The following MRPS14 variants were observed in gnomAD, a reference collection of about 807,000 sequenced individuals.
The protein encoded by MRPS14 is mitochondrial ribosomal protein S14.
In MRPS14, 14 loss-of-function variants were observed where a neutral mutation model predicts 16.4. The observed-to-expected ratio is 0.85, with a 90% CI of 0.56 to 1.33. The LOEUF is 1.33. Ranked by LOEUF, MRPS14 falls within the 40% of genes most tolerant of loss-of-function variation. The pLI, the probability that MRPS14 is intolerant of heterozygous loss-of-function variation, is 0.00. For synonymous variants in MRPS14, 54 were observed against 61.9 expected, an observed-to-expected ratio of 0.87 and a Z score of 0.60; for missense variants, 162 against 176.8, an observed-to-expected ratio of 0.92 and a Z score of 0.48.
chr1:175,018,397 G>T, intron 2 of MRPS14, 21 bp downstream of exon 2: 1 of 1,575,014 alleles, frequency 6.3e-7, no homozygotes, highest in South Asian at 1.2e-5. Flanking sequence ...GGTACAAAGG[G>T]ACTCATCTTA....
rs1390745704 is a variant in MRPS14, at chr1:175,018,585, CAG to C, written c.46-11_46-10del. 1 of 1,586,428 alleles carries C rather than the reference CAG, an allele frequency of 6.3e-7. No individual in the cohort carries two copies. Among genetic ancestry groups the C allele is most frequent in the Non-Finnish European group, 8.6e-7 (1 of 1,168,664 alleles). On this transcript the variant is annotated splice_polypyrimidine_tract_variant and intron_variant, in intron 1 of 2. Transcript: ENST00000476371. ...GCTGATGAAGGAACCATCTGAAAGA[CAG>C]AGACAAGGGACAAGTGAAGGATAGC...
chr1:175,019,727 ATAATTTACAGTTC>A (rs1264288649), intron 1 of MRPS14, among the ~76,000 whole-genome samples: 6 of 152,224 alleles, frequency 3.9e-5, no homozygotes, highest in African/African-American at 1.4e-4. Flanking sequence ...TTTCACGGTG[ATAATTTACAGTTC>A]TGACTGACAG....
intron 2 of MRPS14, among the ~76,000 whole-genome samples, chr1:175,015,227 G>A (rs898968638): frequency 6.6e-6 from 1 of 152,162 alleles, no homozygotes; most frequent in Non-Finnish European, 1.5e-5. Context: ...AGGATTACAG[G>A]TGTGAGCCAC....
chr1:175,019,865 T>G (rs1235256199), intron 1 of MRPS14, among the ~76,000 whole-genome samples: 1 of 152,232 alleles, frequency 6.6e-6, no homozygotes, highest in African/African-American at 2.4e-5. Flanking sequence ...TGATAACTGA[T>G]GTTTATAAAT....
chr1:175,022,040 AT>A (rs1219278797), intron 1 of MRPS14, among the ~76,000 whole-genome samples: 1 of 152,202 alleles, frequency 6.6e-6, no homozygotes, highest in African/African-American at 2.4e-5. Flanking sequence ...GTAATTCTTT[AT>A]TTTAATTAAA....
At position 175,012,963 on chromosome 1, in the gene MRPS14, G is replaced by T; in HGVS notation, c.*1706C>A. 1 of 152,246 alleles carries T rather than the reference G, an allele frequency of 6.6e-6. No homozygotes were observed. The allele number at this position is 152,246 out of a possible 1,614,324, so 9.4% of individuals were successfully genotyped here. On this transcript the variant is annotated 3_prime_UTR_variant, in exon 3 of 3. Coordinates refer to ENST00000476371, the MANE Select transcript of MRPS14 (RefSeq NM_022100.3). Reference sequence around the variant, plus strand: ...CTCTTAATAATACCAACGCATTGTGGATTAGATTTTAATGTGAATTTTGGA... The same window carrying T: ...CTCTTAATAATACCAACGCATTGTGTATTAGATTTTAATGTGAATTTTGGA...
rs1471169315 is a variant in MRPS14 at position 175,018,901 on chromosome 1, GT to G, written c.46-326del. The stretch of plus-strand genomic sequence containing the variant: ...GTCACATGGTTCAAAAATCAAAAAG[GT>G]ATAAGAAGACACACAGTGAAAAGTC... On this transcript the variant is annotated intron_variant, in intron 1 of 2. Coordinates refer to ENST00000476371, the MANE Select transcript of MRPS14 (RefSeq NM_022100.3). 2.6e-5 allele frequency among the ~76,000 whole-genome samples: 4 copies of G among 152,056 alleles called. No homozygotes were observed. The East Asian group carries it at 7.7e-4, about 29-fold the overall frequency.
At chr1:175,018,928 TC>T (rs1422395673) in intron 1 of MRPS14, among the ~76,000 whole-genome samples, 1 of 151,996 alleles carries the variant, frequency 6.6e-6, no homozygotes. Flanking sequence ...GTGAAAAGTC[TC>T]CCCCCACCTC....
intron 1 of MRPS14, among the ~76,000 whole-genome samples, chr1:175,020,575 C>A (rs557419412): frequency 6.6e-6 from 1 of 151,892 alleles, no homozygotes; most frequent in Non-Finnish European, 1.5e-5. Flanking sequence ...ATGACGCGAT[C>A]GTGGCTCACC....
rs1410762907 is a variant in MRPS14 at position 175,014,411 on chromosome 1, C to G, written c.*258G>C. ...AAAAGGAGGGTATAAAAAACATTCACAGAAAATATTTATTATGCTACTCTT... is the reference window on the plus strand; with the variant it reads ...AAAAGGAGGGTATAAAAAACATTCAGAGAAAATATTTATTATGCTACTCTT... On this transcript the variant is annotated 3_prime_UTR_variant, in exon 3 of 3. Transcript: ENST00000476371. The G allele has an allele frequency of 4.8e-6, 2 of 413,686 alleles. No individual in the cohort carries two copies. Among genetic ancestry groups the G allele is most frequent in the Non-Finnish European group, 8.5e-6 (2 of 235,834 alleles). 25.6% of individuals were successfully genotyped at this position (413,686 alleles called of 1,614,324 possible). A position where few individuals can be genotyped will look rare whatever the true frequency, so the allele number is the denominator to read the frequency against.
rs912148117 is a variant in MRPS14 at position 175,018,511 on chromosome 1, A to T, written c.111T>A (p.Asp37Glu). The change falls in exon 2 of 3, where the codon GAT becomes GAA. Residue 37 changes from aspartate to glutamate, a missense_variant. Coordinates refer to ENST00000476371, the MANE Select transcript of MRPS14 (RefSeq NM_022100.3). ...CATAGGCCATTTTTCGTCTCTTCAC[A>T]TCGCGCCACATTCTCCAGTCTACAT... ...SHYVDWRMWR[D>E]VKRRKMAYEY... 16 of 1,613,154 alleles carry T rather than the reference A, an allele frequency of 9.9e-6. No homozygotes were observed. In the African/African-American group the frequency reaches 2.0e-4, roughly 20 times the overall value.
At chr1:175,021,463 T>A (rs569916445) in intron 1 of MRPS14, among the ~76,000 whole-genome samples, 8 of 152,358 alleles carry the variant, frequency 5.3e-5, no homozygotes, top group African/African-American at 1.9e-4. Flanking sequence ...TATTAATAAG[T>A]GCAAGCTATT....
chr1:175,023,389 C>T lies in MRPS14; in HGVS notation c.20G>A (p.Gly7Asp). Residue 7 changes from glycine (G) to aspartate (D), a missense_variant, in exon 1 of 3, where the codon GGC (glycine) becomes GAC (aspartate). Transcript: ENST00000476371. ...CTGCTTGAACGTCCGCAGCAGCGAG[C>T]CCAGCATGAAGGCCGCCATGTTGTC... The part of the protein sequence containing the change: MAAFML[G>D]SLLRTFKQMV... 1.2e-6 allele frequency: 2 copies of T among 1,614,168 alleles called. No individual in the cohort carries two copies. The highest frequency in any genetic ancestry group is 1.7e-6 in the Non-Finnish European group (2 of 1,180,028).
intron 1 of MRPS14, among the ~76,000 whole-genome samples, chr1:175,019,692 C>A (rs578217364): frequency 6.6e-6 from 1 of 152,266 alleles, no homozygotes; most frequent in East Asian, 1.9e-4. Context: ...AGTAATAAGA[C>A]AGTATATTCC....
chr1:175,014,643 C>A lies in MRPS14; in HGVS notation c.*26G>T. 1 of 1,567,798 alleles carries A rather than the reference C, an allele frequency of 6.4e-7. No homozygotes were observed. Among genetic ancestry groups the A allele is most frequent in the South Asian group, 1.2e-5 (1 of 85,976 alleles). On this transcript the variant is annotated 3_prime_UTR_variant, in exon 3 of 3. Coordinates refer to ENST00000476371, the MANE Select transcript of MRPS14 (RefSeq NM_022100.3). The stretch of plus-strand genomic sequence containing the variant: ...TGGAACTGCAAGCTTGGCTTCCCTG[C>A]AAGCTCAATAGGTTCTGGAGCTCAT...
rs557419412 is a variant in MRPS14, at chr1:175,020,575, C to T, written c.46-1999G>A. ...CCAGGCTGGAGTGCAATGACGCGATCGTGGCTCACCGCAACCTTTGCCTCC... is the reference window on the plus strand; with the variant it reads ...CCAGGCTGGAGTGCAATGACGCGATTGTGGCTCACCGCAACCTTTGCCTCC... On this transcript the variant is annotated intron_variant, in intron 1 of 2. Coordinates refer to ENST00000476371, the MANE Select transcript of MRPS14 (RefSeq NM_022100.3). Among the ~76,000 whole-genome samples the T allele has an allele frequency of 6.6e-5, 10 of 152,010 alleles. No homozygotes were observed. In the East Asian group the frequency reaches 9.7e-4, roughly 15 times the overall value.
At chr1:175,016,481 G>T (rs528663454) in intron 2 of MRPS14, among the ~76,000 whole-genome samples, 1 of 152,178 alleles carries the variant, frequency 6.6e-6, no homozygotes, top group Admixed American at 6.5e-5. Context: ...TGCATGCTGT[G>T]AAATTAGAAC....
intron 1 of MRPS14, among the ~76,000 whole-genome samples, chr1:175,022,273 T>A (rs542945829): frequency 4.0e-4 from 61 of 152,184 alleles, no homozygotes; most frequent in African/African-American, 1.4e-3. Flanking sequence ...AAATAAAATA[T>A]TATATTAAAC....
rs17302346 is a variant in MRPS14, at chr1:175,014,407, T to C, written c.*262A>G. ...ACTTAAAAGGAGGGTATAAAAAACA[T>C]TCACAGAAAATATTTATTATGCTAC... On this transcript the variant is annotated 3_prime_UTR_variant, in exon 3 of 3. Transcript: ENST00000476371. 0.016 allele frequency: 6,775 copies of C among 414,708 alleles called. 89 individuals are homozygous for C. Among genetic ancestry groups the C allele is most frequent in the Admixed American group, 0.024 (567 of 23,632 alleles). The allele number at this position is 414,708 out of a possible 1,614,324, so 25.7% of individuals were successfully genotyped here.
Sources: gnomAD v4.1 joint callset for allele counts (sites outside exome capture counted in the v4.1 genomes callset) on GRCh38, gnomAD v4.1.1 for gene constraint, MANE v1.5 for transcripts, NCBI Gene and HGNC (gene_info 2026-07-23, HGNC 2026-07-21) for gene names.